Variants in HBS1L observed in about 807,000 individuals in gnomAD.
HBS1L encodes HBS1 like translational GTPase, also known as HBS1-like protein.
In HBS1L, 55 loss-of-function variants were observed where a neutral mutation model predicts 88.9. That is an observed-to-expected ratio of 0.62 (90% CI 0.50 to 0.77). HBS1L has a LOEUF of 0.77. Among genes scored for constraint, HBS1L ranks in the 30% least tolerant of loss-of-function variants. The probability of loss-of-function intolerance (pLI) is 0.00; values close to 1 mark genes in which losing one functional copy is unlikely to be tolerated. For synonymous variants in HBS1L, 267 were observed against 288.5 expected, an observed-to-expected ratio of 0.93 and a Z score of 0.76; for missense variants, 741 against 829.3, an observed-to-expected ratio of 0.89 and a Z score of 1.31.
chr6:135,048,119 T>C (rs1018167688), intron 2 of HBS1L, among the ~76,000 whole-genome samples: 4 of 152,174 alleles, frequency 2.6e-5, no homozygotes, highest in Non-Finnish European at 5.9e-5. Flanking sequence ...GGCTCCCTTT[T>C]AGGATCATCC....
intron 4 of HBS1L, chr6:135,036,885 T>C: frequency 1.3e-6 from 2 of 1,551,584 alleles, no homozygotes; most frequent in Non-Finnish European, 1.7e-6. Flanking sequence ...AATTCTTCCC[T>C]AGCTTTGAAC....
intron 4 of HBS1L, chr6:135,038,099 AG>A: frequency 8.3e-7 from 1 of 1,205,538 alleles, no homozygotes; most frequent in Non-Finnish European, 1.1e-6. Context: ...AGCAACCAAA[AG>A]GAAACATGAA....
rs1256431672 is a variant in HBS1L at position 135,001,881 on chromosome 6, GA to G, written c.539+852del. 4.2e-3 allele frequency among the ~76,000 whole-genome samples: 584 copies of G among 140,636 alleles called. 2 individuals carry two copies. Among genetic ancestry groups the G allele is most frequent in the African/African-American group, 0.015 (556 of 37,688 alleles). 92.3% of individuals were successfully genotyped at this position (140,636 alleles called of 152,430 possible). ...AGTTTAGACAAAAGAATATTGTAAG[GA>G]AAAAAAAAATAAATAAGGTTCCTGG... On this transcript the variant is annotated intron_variant, in intron 5 of 17. Coordinates refer to ENST00000367837, the MANE Select transcript of HBS1L (RefSeq NM_006620.4).
rs368987519 is a variant in HBS1L at position 134,996,824 on chromosome 6, C to T, written c.918G>A (p.Ser306=). The T allele has an allele frequency of 7.6e-5, 122 of 1,611,546 alleles. No homozygotes were observed. The highest frequency in any genetic ancestry group is 3.9e-4 in the African/African-American group (29 of 74,888). ...CATCCAAGACCCATGCATATGCAAA[C>T]GAAGCTTTGCCAGCCTTTTTAGACT... ...EQESKKAGKA[S]FAYAWVLDET... Residue 306 remains serine, a synonymous_variant, in exon 7 of 18, where the codon TCG becomes TCA. Transcript: ENST00000367837.
At chr6:135,002,933 T>C (rs1261974106) in intron 4 of HBS1L, 91 bp from the exon 5 acceptor site, 8 of 746,644 alleles carry the variant, frequency 1.1e-5, no homozygotes, top group Non-Finnish European at 1.8e-5. Flanking sequence ...TAGATTATGA[T>C]AACTTTCACA....
At chr6:134,982,624 T>C in intron 12 of HBS1L, 62 bp from the exon 13 acceptor site, 6 of 851,782 alleles carry the variant, frequency 7.0e-6, no homozygotes, top group Non-Finnish European at 1.2e-5. Context: ...TTAATACCGT[T>C]AACTATACTT....
chr6:135,010,294 G>A (rs1210129550), intron 4 of HBS1L, among the ~76,000 whole-genome samples: 1 of 152,040 alleles, frequency 6.6e-6, no homozygotes, highest in East Asian at 1.9e-4. Context: ...TCTGAAAAAT[G>A]TACCACCTAC....
At chr6:134,991,429 C>T (rs1484255500) in intron 8 of HBS1L, among the ~76,000 whole-genome samples, 1 of 152,106 alleles carries the variant, frequency 6.6e-6, no homozygotes, top group Non-Finnish European at 1.5e-5. Context: ...CCAAATATTC[C>T]AATCCACAGT....
chr6:134,980,177 T>A (rs1774786938), intron 13 of HBS1L, among the ~76,000 whole-genome samples: 1 of 152,036 alleles, frequency 6.6e-6, no homozygotes. Context: ...GACATGTTCT[T>A]AGTAAATTAT....
intron 4 of HBS1L, among the ~76,000 whole-genome samples, chr6:135,008,421 A>T (rs899552950): frequency 4.5e-4 from 69 of 152,324 alleles, no homozygotes; most frequent in Non-Finnish European, 8.5e-4. Context: ...GACCTTTCTC[A>T]TCCTCCAGCT....
At chr6:135,019,561 C>A (rs1776014498) in intron 4 of HBS1L, among the ~76,000 whole-genome samples, 1 of 151,798 alleles carries the variant, frequency 6.6e-6, no homozygotes, top group African/African-American at 2.4e-5. Context: ...CATACACAGG[C>A]CTTCATAGAT....
At position 135,040,374 on chromosome 6, in the gene HBS1L, A is replaced by G. The variant is rs1346849795; in HGVS notation, c.236-607T>C. ...TTTTTTTTTTTTTTTTTTTTGAGACAGAGTCTCACTCTGTTGCCCAGGCTG... is the reference window on the plus strand; with the variant it reads ...TTTTTTTTTTTTTTTTTTTTGAGACGGAGTCTCACTCTGTTGCCCAGGCTG... On this transcript the variant is annotated intron_variant, in intron 3 of 17. Transcript: ENST00000367837. 4.8e-5 allele frequency among the ~76,000 whole-genome samples: 5 copies of G among 103,432 alleles called. No individual in the cohort carries two copies. The Admixed American group carries it at 5.8e-4, about 12-fold the overall frequency. The allele number at this position is 103,432 out of a possible 152,430, so 67.9% of individuals were successfully genotyped here.
chr6:134,979,513 CTTAT>C, intron 13 of HBS1L: 1 of 390,424 alleles, frequency 2.6e-6, no homozygotes, highest in Non-Finnish European at 4.7e-6. Context: ...CTGACTTCTG[CTTAT>C]TTAATCAAGA....
chr6:135,038,082 C>T lies in HBS1L; in HGVS notation c.430+1491G>A, dbSNP rs1437332852. On this transcript the variant is annotated intron_variant, in intron 4 of 17. Transcript: ENST00000367837. ...TGAATAGGTTGATATACGCAGAAGA[C>T]AGTCACAGCAACCAAAAGGAAACAT... 14 of 1,332,990 alleles carry T rather than the reference C, an allele frequency of 1.1e-5. No homozygotes were observed. The East Asian group carries it at 3.4e-4, about 32-fold the overall frequency. 82.6% of individuals were successfully genotyped at this position (1,332,990 alleles called of 1,614,324 possible).
intron 4 of HBS1L, among the ~76,000 whole-genome samples, chr6:135,019,728 T>C (rs898898966): frequency 4.6e-5 from 7 of 152,046 alleles, no homozygotes; most frequent in African/African-American, 1.2e-4. Flanking sequence ...AATAAGATCA[T>C]TGTATATCTC....
chr6:135,024,778 G>C (rs56095299), intron 4 of HBS1L, among the ~76,000 whole-genome samples: 4,635 of 151,978 alleles, frequency 0.03, 237 homozygotes, highest in African/African-American at 0.11. Flanking sequence ...TATTATTTTA[G>C]AAGTTAGTTC....
In HBS1L at chr6:135,003,027, A is replaced by C. The variant is rs186765701; in HGVS notation, c.431-185T>G. Among the ~76,000 whole-genome samples the C allele has an allele frequency of 6.3e-4, 96 of 152,324 alleles. 2 individuals carry two copies. The East Asian group carries it at 0.018, about 28-fold the overall frequency. On this transcript the variant is annotated intron_variant, in intron 4 of 17. Transcript: ENST00000367837. ...GAAAGAAATTCTGTCACTTTAATCT[A>C]GGAAATCCCCTATTGTCAGGACTCT...
intron 5 of HBS1L, among the ~76,000 whole-genome samples, chr6:135,001,493 CTCTG>C (rs1000376960): frequency 3.9e-5 from 6 of 152,038 alleles, no homozygotes; most frequent in African/African-American, 1.2e-4. Context: ...CTCTCTCTCT[CTCTG>C]TATGTAAAAA....
intron 12 of HBS1L, among the ~76,000 whole-genome samples, chr6:134,984,748 C>G: frequency 6.6e-6 from 1 of 152,136 alleles, no homozygotes; most frequent in East Asian, 1.9e-4. Context: ...ATCATCTCTT[C>G]CAGCAAGCTC....
Sources: gnomAD v4.1 joint callset for allele counts (sites outside exome capture counted in the v4.1 genomes callset) on GRCh38, gnomAD v4.1.1 for gene constraint, MANE v1.5 for transcripts, NCBI Gene and HGNC (gene_info 2026-07-23, HGNC 2026-07-21) for gene names.